EIF4A1: variants seen among roughly 807,000 people sequenced by gnomAD.
EIF4A1 encodes eukaryotic initiation factor 4A-I.
EIF4A1 carries 11 observed loss-of-function variants against 53.5 expected under a neutral mutation model. The ratio of observed to expected loss-of-function variants is 0.21; its 90% CI spans 0.13 to 0.34. EIF4A1 has a LOEUF of 0.34. Among genes scored for constraint, EIF4A1 ranks in the 10% least tolerant of loss-of-function variants. EIF4A1 has a pLI of 1.00. For missense variants in EIF4A1, 213 were observed against 530.8 expected (o/e 0.40, Z 5.88); for synonymous variants, 237 against 186.7 (o/e 1.27, Z -2.20).
chr17:7,573,304 T>C (rs909390957), intron 1 of EIF4A1: 4 of 279,616 alleles, frequency 1.4e-5, no homozygotes, highest in Non-Finnish European at 2.8e-5. Flanking sequence ...GAGGCGGGGG[T>C]GCCTGGTCCT....
rs912672592 is a variant in EIF4A1 at position 7,577,767 on chromosome 17, C to T, written c.907-60C>T. 6.2e-7 allele frequency: 1 copy of T among 1,613,970 alleles called. No individual in the cohort carries two copies. The highest frequency in any genetic ancestry group is 1.7e-5 in the Admixed American group (1 of 60,010). ...CCCGTCAGAAGTGTCCTACTTGAAGCCAGGGTTCCTGGAACCCAGGTGCCT... is the reference window on the plus strand; with the variant it reads ...CCCGTCAGAAGTGTCCTACTTGAAGTCAGGGTTCCTGGAACCCAGGTGCCT... On this transcript the variant is annotated intron_variant, in intron 8 of 10. Transcript: ENST00000293831. The surrounding 1 kb of genome is among the most constrained non-coding windows in gnomAD (Gnocchi z 4.7).
chr17:7,575,418 C>G (rs773809897), intron 4 of EIF4A1, 160 bp downstream of exon 4: 12 of 1,070,192 alleles, frequency 1.1e-5, no homozygotes, highest in Middle Eastern at 2.0e-4. Context: ...ATTTCTTACC[C>G]AAACGTAACC....
In EIF4A1 at chr17:7,572,829, G is replaced by A. The variant is rs772277206; in HGVS notation, c.-13G>A. ...GTCGATAGGCGGGCACTCCGCCCTAGTTTCTAAGGATCATGTCTGCGAGCC... is the reference window on the plus strand; with the variant it reads ...GTCGATAGGCGGGCACTCCGCCCTAATTTCTAAGGATCATGTCTGCGAGCC... On this transcript the variant is annotated 5_prime_UTR_variant, in exon 1 of 11. Transcript: ENST00000293831. 3.7e-6 allele frequency: 6 copies of A among 1,614,174 alleles called. No individual in the cohort carries two copies. Among genetic ancestry groups the A allele is most frequent in the Non-Finnish European group, 5.1e-6 (6 of 1,179,976 alleles).
At chr17:7,574,494 C>G (rs1273692475) in intron 2 of EIF4A1, 52 bp from the exon 3 acceptor site, 2 of 1,611,018 alleles carry the variant, frequency 1.2e-6, no homozygotes, top group African/African-American at 1.3e-5. Context: ...GAGACTACAG[C>G]TCAGCTCCAC....
intron 3 of EIF4A1, 79 bp downstream of exon 3, chr17:7,574,757 C>T (rs752663446): frequency 1.3e-6 from 2 of 1,599,556 alleles, no homozygotes; most frequent in Admixed American, 1.7e-5. Flanking sequence ...TGATGCCCAT[C>T]TCATATCAGC....
At position 7,577,275 on chromosome 17, in the gene EIF4A1, T is replaced by C; in HGVS notation, c.625-69T>C. The C allele has an allele frequency of 1.3e-6, 2 of 1,589,696 alleles. No individual in the cohort carries two copies. The highest frequency in any genetic ancestry group is 1.7e-6 in the Non-Finnish European group (2 of 1,168,070). ...TTTATGCATCTGCTTCAGTTTTAGG[T>C]GTGGCTAGGGAAGGGAGCAGGCCTC... On this transcript the variant is annotated intron_variant, in intron 6 of 10. Coordinates refer to ENST00000293831, the MANE Select transcript of EIF4A1 (RefSeq NM_001416.4). This position sits in a 1 kb window ranked among gnomAD's most constrained non-coding sequence, Gnocchi z 4.7.
intron 2 of EIF4A1, 83 bp downstream of exon 2, chr17:7,574,391 C>T (rs2071371943): frequency 6.2e-7 from 1 of 1,608,530 alleles, no homozygotes; most frequent in Non-Finnish European, 8.5e-7. Context: ...TGATTGATTT[C>T]CCAGATCATC....
rs998304359 is a variant in EIF4A1 at position 7,574,569 on chromosome 17, C to T, written c.96C>T (p.Asp32=). 3.1e-6 allele frequency: 5 copies of T among 1,612,414 alleles called. No homozygotes were observed. The highest frequency in any genetic ancestry group is 4.2e-6 in the Non-Finnish European group (5 of 1,179,966). ...VIESNWNEIV[D]SFDDMNLSES... is the part of the protein sequence containing the mutation. ...AGAGTAACTGGAATGAGATTGTTGA[C>T]AGCTTTGATGACATGAACCTCTCGG... Residue 32 remains aspartate, a synonymous_variant, in exon 3 of 11, where the codon GAC becomes GAT. Transcript: ENST00000293831.
At position 7,578,154 on chromosome 17, in the gene EIF4A1, T is replaced by C; in HGVS notation, c.997-11T>C. On this transcript the variant is annotated splice_polypyrimidine_tract_variant and intron_variant, in intron 9 of 10. Transcript: ENST00000293831. ...CGTGCACATGCTGAAGAGTTGTCTT[T>C]CTTGACGTAGGCCAGAGGCATTGAT... 6.2e-7 allele frequency: 1 copy of C among 1,614,166 alleles called. No individual in the cohort carries two copies. Among genetic ancestry groups the C allele is most frequent in the Non-Finnish European group, 8.5e-7 (1 of 1,180,006 alleles).
At chr17:7,576,940 G>C in intron 5 of EIF4A1, 116 bp from the exon 6 acceptor site, 1 of 1,384,098 alleles carries the variant, frequency 7.2e-7, no homozygotes, top group Non-Finnish European at 1.0e-6. Context: ...ATCAGTCTTT[G>C]TACTCTGAGA....
rs553685760 is a variant in EIF4A1 at position 7,574,581 on chromosome 17, C to T, written c.108C>T (p.Asp36=). 3.2e-5 allele frequency: 52 copies of T among 1,612,312 alleles called. No individual in the cohort carries two copies. The South Asian group carries it at 5.2e-4, about 16-fold the overall frequency. Residue 36 remains aspartate (D), a synonymous_variant, in exon 3 of 11, where the codon GAC becomes GAT. Transcript: ENST00000293831. Reference sequence around the variant, plus strand: ...ATGAGATTGTTGACAGCTTTGATGACATGAACCTCTCGGAGTCCCTTCTCC... The same window carrying T: ...ATGAGATTGTTGACAGCTTTGATGATATGAACCTCTCGGAGTCCCTTCTCC... ...NWNEIVDSFD[D]MNLSESLLRG...
Position 7,578,092 on chromosome 17 carries a change from A to T in EIF4A1, c.997-73A>T, listed in dbSNP as rs2071426888. Reference sequence around the variant, plus strand: ...CTGCCTTCCTTGGCTGCCCACATGGATGCCTAAGTGTCTTCCCTCCGGGAT... The same window carrying T: ...CTGCCTTCCTTGGCTGCCCACATGGTTGCCTAAGTGTCTTCCCTCCGGGAT... On this transcript the variant is annotated intron_variant, in intron 9 of 10. Coordinates refer to ENST00000293831, the MANE Select transcript of EIF4A1 (RefSeq NM_001416.4). 6.8e-6 allele frequency: 11 copies of T among 1,606,170 alleles called. No individual in the cohort carries two copies. The East Asian group carries it at 2.5e-4, about 36-fold the overall frequency.
intron 1 of EIF4A1, chr17:7,573,140 A>G: frequency 1.7e-6 from 1 of 587,930 alleles, no homozygotes; most frequent in Non-Finnish European, 3.0e-6. Flanking sequence ...CCCGGCGCTG[A>G]GTGGCGAGAC....
In EIF4A1 at chr17:7,574,242, TA is replaced by T. The variant is rs1567733210; in HGVS notation, c.24-17del. 14 of 1,613,990 alleles carry T rather than the reference TA, an allele frequency of 8.7e-6. No homozygotes were observed. The highest frequency in any genetic ancestry group is 1.7e-5 in the Admixed American group (1 of 60,016). On this transcript the variant is annotated splice_polypyrimidine_tract_variant and intron_variant, in intron 1 of 10. Coordinates refer to ENST00000293831, the MANE Select transcript of EIF4A1 (RefSeq NM_001416.4). ...CTTCGGTCGGGCAGGGGACAAAACT[TA>T]TGCTTTAAACCAACAGATCCAGAGA...
chr17:7,574,203 A>G, intron 1 of EIF4A1, 57 bp from the exon 2 acceptor site: 1 of 1,608,886 alleles, frequency 6.2e-7, no homozygotes, highest in South Asian at 1.1e-5. Context: ...CCCGGCTGTC[A>G]GGATTTCTGA....
chr17:7,577,005 C>T lies in EIF4A1; in HGVS notation c.515-51C>T, dbSNP rs772110555. 8 of 1,601,060 alleles carry T rather than the reference C, an allele frequency of 5.0e-6. No individual in the cohort carries two copies. In the East Asian group the frequency reaches 6.7e-5, roughly 13 times the overall value. On this transcript the variant is annotated intron_variant, in intron 5 of 10. Coordinates refer to ENST00000293831, the MANE Select transcript of EIF4A1 (RefSeq NM_001416.4). This position sits in a 1 kb window ranked among gnomAD's most constrained non-coding sequence, Gnocchi z 4.7. ...ATCAGCGAAGTTGGATATATCTCTC[C>T]CACATTTCCCTAATCATATGCTATA...
In EIF4A1 at chr17:7,574,557, T is replaced by C. The variant is rs757361603; in HGVS notation, c.84T>C (p.Asn28=). ...EPEGVIESNW[N]EIVDSFDDMN... ...TTTGCATCCCCTAGAGTAACTGGAATGAGATTGTTGACAGCTTTGATGACA... is the reference window on the plus strand; with the variant it reads ...TTTGCATCCCCTAGAGTAACTGGAACGAGATTGTTGACAGCTTTGATGACA... The change falls in exon 3 of 11, where the codon AAT becomes AAC. Residue 28 remains asparagine, a synonymous_variant. Coordinates refer to ENST00000293831, the MANE Select transcript of EIF4A1 (RefSeq NM_001416.4). 3 of 1,606,794 alleles carry C rather than the reference T, an allele frequency of 1.9e-6. No individual in the cohort carries two copies. The highest frequency in any genetic ancestry group is 1.7e-5 in the Admixed American group (1 of 59,998).
At chr17:7,576,428 A>G in intron 4 of EIF4A1, 96 bp from the exon 5 acceptor site, 1 of 1,454,228 alleles carries the variant, frequency 6.9e-7, no homozygotes, top group Non-Finnish European at 9.1e-7. Flanking sequence ...GCATGCCCCA[A>G]AGTTGTTGGT....
At chr17:7,575,882 TG>T (rs2071394420) in intron 4 of EIF4A1, 2 of 168,510 alleles carry the variant, frequency 1.2e-5, no homozygotes, top group South Asian at 2.6e-4. Context: ...TCTATAAAAC[TG>T]GTTGCTGGCT....
Sources: gnomAD v4.1 joint callset for allele counts on GRCh38, gnomAD v4.1.1 for gene constraint, Gnocchi (gnomAD v3.1) non-coding constraint, MANE v1.5 for transcripts, NCBI Gene and HGNC (gene_info 2026-07-23, HGNC 2026-07-21) for gene names.